The following ZNG1C variants were observed in gnomAD, a reference collection of about 807,000 sequenced individuals.
ZNG1C encodes the protein zinc-regulated GTPase metalloprotein activator 1C.
chr9:68,271,730 TACC>T, the ZNG1C span, among the ~76,000 whole-genome samples: 1 of 149,452 alleles, frequency 6.7e-6, no homozygotes, highest in Non-Finnish European at 1.5e-5. Flanking sequence ...ATAGAGAACT[TACC>T]ACAAAGGGTC....
At chr9:68,247,139 T>C in the ZNG1C span, among the ~76,000 whole-genome samples, 1 of 152,226 alleles carries the variant, frequency 6.6e-6, no homozygotes. Context: ...GCCAAAAACC[T>C]TCCTCAGGAT....
the ZNG1C span, chr9:68,268,783 G>GT: frequency 2.3e-6 from 1 of 430,150 alleles, no homozygotes; most frequent in Admixed American, 4.1e-5. Flanking sequence ...TTTAAAGCAA[G>GT]TTTTGTTTTT....
At chr9:68,268,384 C>T in the ZNG1C span, among the ~76,000 whole-genome samples, 5 of 152,136 alleles carry the variant, frequency 3.3e-5, no homozygotes, top group East Asian at 1.9e-4. Context: ...ACAGGCATAA[C>T]GGGTAGAGAG....
chr9:68,256,644 T>C, the ZNG1C span, among the ~76,000 whole-genome samples: 2 of 128,454 alleles, frequency 1.6e-5, no homozygotes, highest in Admixed American at 8.5e-5. Context: ...TATTATGGCA[T>C]CGGTAGAAGA....
the ZNG1C span, among the ~76,000 whole-genome samples, chr9:68,290,554 G>C: frequency 6.7e-5 from 6 of 90,004 alleles, no homozygotes; most frequent in South Asian, 7.5e-4. Flanking sequence ...CTGGGCAACA[G>C]AGTGAGACCC....
the ZNG1C span, among the ~76,000 whole-genome samples, chr9:68,267,240 T>C: frequency 1.3e-5 from 2 of 152,256 alleles, no homozygotes; most frequent in Non-Finnish European, 2.9e-5. Context: ...ATAAATTGAA[T>C]CAATAAAGGT....
the ZNG1C span, among the ~76,000 whole-genome samples, chr9:68,276,503 A>G: frequency 7.1e-4 from 104 of 146,120 alleles, no homozygotes; most frequent in African/African-American, 2.5e-3. Context: ...GAAGGGATCC[A>G]GTTTCAGCTT....
the ZNG1C span, chr9:68,257,046 T>TTTTTTTTTTTTTTTG: frequency 2.4e-6 from 1 of 415,314 alleles, no homozygotes; most frequent in African/African-American, 4.0e-5. Context: ...TTTTTTTTTC[T>TTTTTTTTTTTTTTTG]GAGACAGAGT....
At chr9:68,280,281 A>G in the ZNG1C span, among the ~76,000 whole-genome samples, 1 of 143,452 alleles carries the variant, frequency 7.0e-6, no homozygotes, top group South Asian at 2.3e-4. Context: ...GAGTAATTTG[A>G]TCGTCTGAAG....
At chr9:68,266,903 G>A in the ZNG1C span, among the ~76,000 whole-genome samples, 5 of 152,192 alleles carry the variant, frequency 3.3e-5, no homozygotes, top group Non-Finnish European at 7.3e-5. Flanking sequence ...AGGCTGATCA[G>A]CATAGGACAA....
At chr9:68,298,719 C>T in the ZNG1C span, 1 of 587,640 alleles carries the variant, frequency 1.7e-6, no homozygotes, top group Non-Finnish European at 2.4e-6. Flanking sequence ...TATGTATTAA[C>T]TTTATCATTA....
At chr9:68,285,942 A>G in the ZNG1C span, 2 of 313,046 alleles carry the variant, frequency 6.4e-6, no homozygotes, top group East Asian at 4.8e-5. Flanking sequence ...GTATAAAGTT[A>G]AATCAGAAGT....
chr9:68,290,101 G>T, the ZNG1C span, among the ~76,000 whole-genome samples: 1 of 102,474 alleles, frequency 9.8e-6, no homozygotes, highest in Non-Finnish European at 2.0e-5. Flanking sequence ...ATTTTTTCAG[G>T]GTTTTTCTAA....
the ZNG1C span, chr9:68,248,812 TG>T: frequency 6.8e-6 from 3 of 438,736 alleles, no homozygotes; most frequent in Admixed American, 1.7e-4. Context: ...CCAGGGACAA[TG>T]GCCTTAGAGC....
At chr9:68,294,947 AC>A in the ZNG1C span, among the ~76,000 whole-genome samples, 2 of 90,974 alleles carry the variant, frequency 2.2e-5, no homozygotes, top group African/African-American at 9.6e-5. Flanking sequence ...AAGATAATCC[AC>A]CATGATCAAG....
the ZNG1C span, chr9:68,270,698 A>G: frequency 4.0e-6 from 1 of 247,562 alleles, no homozygotes; most frequent in African/African-American, 2.3e-5. Flanking sequence ...CCTGGCTAAC[A>G]CTGTGAAACC....
the ZNG1C span, among the ~76,000 whole-genome samples, chr9:68,281,617 C>A: frequency 6.4e-5 from 6 of 94,202 alleles, no homozygotes; most frequent in Admixed American, 4.6e-4. Flanking sequence ...AAGCTTTATA[C>A]CCCTTGAATA....
chr9:68,258,221 A>T, the ZNG1C span, among the ~76,000 whole-genome samples: 1 of 30,870 alleles, frequency 3.2e-5, no homozygotes, highest in African/African-American at 1.4e-4. Context: ...TTTGACTTAT[A>T]TTTTGGATTG....
the ZNG1C span, among the ~76,000 whole-genome samples, chr9:68,257,879 T>C: frequency 6.9e-6 from 1 of 144,098 alleles, no homozygotes; most frequent in East Asian, 2.0e-4. Flanking sequence ...TTAAGAATTA[T>C]TAAGCTGGGC....
Sources: gnomAD v4.1 joint callset for allele counts (sites outside exome capture counted in the v4.1 genomes callset) on GRCh38, gnomAD v4.1.1 for gene constraint, MANE v1.5 for transcripts, NCBI Gene and HGNC (gene_info 2026-07-23, HGNC 2026-07-21) for gene names.